Variants in CFAP69 observed in about 807,000 individuals in gnomAD.
The protein encoded by CFAP69 is cilia and flagella associated protein 69.
Under a neutral mutation model 123.0 loss-of-function variants are expected in CFAP69, and 92 were observed. That is an observed-to-expected ratio of 0.75 (90% CI 0.63 to 0.89). CFAP69 has a LOEUF of 0.89. CFAP69 is among the 40% of genes least tolerant of loss of function. CFAP69 has a pLI of 0.00. For missense variants in CFAP69, 1,067 were observed against 1,096.9 expected (o/e 0.97, Z 0.39); for synonymous variants, 380 against 364.3 (o/e 1.04, Z -0.49).
intron 15 of CFAP69, among the ~76,000 whole-genome samples, chr7:90,296,700 G>A (rs1395762262): frequency 6.6e-6 from 1 of 152,144 alleles, no homozygotes; most frequent in Admixed American, 6.5e-5. Flanking sequence ...TATACGTTTT[G>A]TGGAGATATA....
At chr7:90,256,999 T>C (rs1287974611) in intron 2 of CFAP69, among the ~76,000 whole-genome samples, 1 of 152,208 alleles carries the variant, frequency 6.6e-6, no homozygotes, top group East Asian at 1.9e-4. Flanking sequence ...ATCTCTACAG[T>C]CAGCTTTCCA....
chr7:90,248,754 T>A (rs913539742), intron 1 of CFAP69, among the ~76,000 whole-genome samples: 1 of 152,156 alleles, frequency 6.6e-6, no homozygotes. Context: ...TTTTTTAAAG[T>A]GATTATCATA....
At chr7:90,264,223 G>A (rs1389836481) in intron 4 of CFAP69, among the ~76,000 whole-genome samples, 1 of 147,060 alleles carries the variant, frequency 6.8e-6, no homozygotes, top group Non-Finnish European at 1.5e-5. Flanking sequence ...TTGAACTCAT[G>A]AAATGTCAAG....
chr7:90,313,928 G>A (rs553934227), downstream of CFAP69, among the ~76,000 whole-genome samples: 4 of 152,282 alleles, frequency 2.6e-5, no homozygotes, highest in South Asian at 8.3e-4. Flanking sequence ...CCTAAGCCAA[G>A]GTTAAACACC....
intron 11 of CFAP69, among the ~76,000 whole-genome samples, chr7:90,278,305 G>A (rs1301012460): frequency 6.6e-6 from 1 of 152,054 alleles, no homozygotes; most frequent in Non-Finnish European, 1.5e-5. Flanking sequence ...CACCTACCTC[G>A]AGATTATTAT....
intron 16 of CFAP69, 114 bp from the exon 17 acceptor site, chr7:90,299,751 ACT>A (rs779620978): frequency 1.2e-5 from 10 of 818,554 alleles, no homozygotes; most frequent in African/African-American, 5.3e-5. Context: ...GATTTTCCTG[ACT>A]CTGAGTTTAG....
chr7:90,279,256 T>C (rs1278819442), intron 11 of CFAP69, among the ~76,000 whole-genome samples: 1 of 152,156 alleles, frequency 6.6e-6, no homozygotes, highest in African/African-American at 2.4e-5. Flanking sequence ...GTCTGTGAGA[T>C]ATTTCCTTTT....
In CFAP69 at chr7:90,307,730, A is replaced by G. The variant is rs772935516; in HGVS notation, c.2464-38A>G. ...TTCTGTCTCAAAAAAAAAAAAGAAA[A>G]AAAAGAAACTGAAACTTAATTATCT... On this transcript the variant is annotated intron_variant, in intron 20 of 22. Coordinates refer to ENST00000389297, the MANE Select transcript of CFAP69 (RefSeq NM_001039706.3). 4.9e-5 allele frequency: 71 copies of G among 1,452,426 alleles called. No homozygotes were observed. In the Admixed American group the frequency reaches 1.5e-3, roughly 30 times the overall value. 90.0% of individuals were successfully genotyped at this position (1,452,426 alleles called of 1,614,324 possible).
chr7:90,300,401 A>G, intron 17 of CFAP69: 1 of 871,958 alleles, frequency 1.1e-6, no homozygotes, highest in Non-Finnish European at 1.4e-6. Context: ...AGATTGCTTC[A>G]AAATAATATT....
chr7:90,301,453 T>C (rs184888760), intron 17 of CFAP69: 2 of 152,298 alleles, frequency 1.3e-5, no homozygotes, highest in East Asian at 3.9e-4. Context: ...ACCCAATAGT[T>C]ATTTTTTCTG....
At chr7:90,289,567 T>C (rs1239196447) in intron 15 of CFAP69, among the ~76,000 whole-genome samples, 1 of 152,202 alleles carries the variant, frequency 6.6e-6, no homozygotes, top group African/African-American at 2.4e-5. Context: ...TCTGCCACTC[T>C]GAGGCTTACA....
chr7:90,303,713 T>A, intron 17 of CFAP69: 2 of 1,030,860 alleles, frequency 1.9e-6, no homozygotes, highest in Non-Finnish European at 2.3e-6. Flanking sequence ...AAGTTTTACT[T>A]TTAAAAAGTA....
In CFAP69 at chr7:90,309,366, C is replaced by G; in HGVS notation, c.2654C>G (p.Thr885Arg). Residue 885 changes from threonine to arginine, a missense_variant and splice_region_variant, in exon 22 of 23, where the codon ACG (threonine) becomes AGG (arginine). Thr to Arg is a moderately conservative substitution (Grantham distance 71). Coordinates refer to ENST00000389297, the MANE Select transcript of CFAP69 (RefSeq NM_001039706.3). ...ACACATATTAAAGGCCTTAACACAA[C>G]GGTAAGATTCTTTCTCCATAACATT... Reference protein sequence around the residue: ...HQTHIKGLNTTVPSGGVVTVE... With the variant: ...HQTHIKGLNTRVPSGGVVTVE... 1.3e-6 allele frequency: 2 copies of G among 1,485,988 alleles called. No individual in the cohort carries two copies. The highest frequency in any genetic ancestry group is 1.8e-6 in the Non-Finnish European group (2 of 1,087,366). The allele number at this position is 1,485,988 out of a possible 1,614,324, so 92.1% of individuals were successfully genotyped here.
intron 17 of CFAP69, chr7:90,302,069 T>C (rs779501174): frequency 4.6e-5 from 7 of 152,226 alleles, no homozygotes; most frequent in Non-Finnish European, 8.8e-5. Flanking sequence ...ATTTTTCTAA[T>C]AATCAGTGAT....
chr7:90,315,593 CCTA>C (rs1428356523), downstream of CFAP69, among the ~76,000 whole-genome samples: 1 of 151,958 alleles, frequency 6.6e-6, no homozygotes, highest in Non-Finnish European at 1.5e-5. Flanking sequence ...GGCACTGAGG[CCTA>C]CTTGATTGGT....
chr7:90,279,872 C>T lies in CFAP69; in HGVS notation c.1351C>T (p.Leu451=). The T allele has an allele frequency of 1.2e-6, 2 of 1,605,094 alleles. No individual in the cohort carries two copies. The highest frequency in any genetic ancestry group is 1.7e-6 in the Non-Finnish European group (2 of 1,177,178). ...GGGAAATGCTCGAGTCCTTGCATTT[C>T]TAGAATGGTGTGAGAGTGAAGGTGA... ...CQGNARVLAF[L]EWCESEDPFF... Residue 451 remains leucine, a synonymous_variant, in exon 12 of 23, where the codon CTA becomes TTA. Coordinates refer to ENST00000389297, the MANE Select transcript of CFAP69 (RefSeq NM_001039706.3).
In CFAP69 at chr7:90,255,747, A is replaced by T. The variant is rs554526268; in HGVS notation, c.180+265A>T. On this transcript the variant is annotated intron_variant, in intron 2 of 22. Transcript: ENST00000389297. ...CTGTAACAGAAGGAATCCTAAGAGT[A>T]CAGAAAGGATCATCTAGCCTCTGTT... Among the ~76,000 whole-genome samples, 7 of 152,314 alleles carry T rather than the reference A, an allele frequency of 4.6e-5. No homozygotes were observed. In the South Asian group the frequency reaches 1.5e-3, roughly 32 times the overall value.
chr7:90,319,720 T>C, the CFAP69 span: 12 of 398,372 alleles, frequency 3.0e-5, no homozygotes, highest in Admixed American at 4.8e-4. Flanking sequence ...CAAATGTAGA[T>C]AGAACCATCT....
At chr7:90,272,687 A>ACTT (rs1800130262) in intron 8 of CFAP69, among the ~76,000 whole-genome samples, 1 of 152,156 alleles carries the variant, frequency 6.6e-6, no homozygotes, top group African/African-American at 2.4e-5. Context: ...AGATACTAGG[A>ACTT]CTTCGTCCCT....
Sources: gnomAD v4.1 joint callset for allele counts (sites outside exome capture counted in the v4.1 genomes callset) on GRCh38, gnomAD v4.1.1 for gene constraint, MANE v1.5 for transcripts, NCBI Gene and HGNC (gene_info 2026-07-23, HGNC 2026-07-21) for gene names.